The following TINAG variants were observed in gnomAD, a reference collection of about 807,000 sequenced individuals.
The protein encoded by TINAG is tubulointerstitial nephritis antigen.
In TINAG, 83 loss-of-function variants were observed where a neutral mutation model predicts 72.7. The observed-to-expected ratio is 1.14, with a 90% confidence interval of 0.96 to 1.37. TINAG has a LOEUF of 1.37. Ranked by LOEUF, TINAG falls within the 40% of genes most tolerant of loss-of-function variation. TINAG has a pLI of 0.00. For missense variants in TINAG, 685 were observed against 576.6 expected, an observed-to-expected ratio of 1.19 and a Z score of -1.93; for synonymous variants, 234 against 189.9, an observed-to-expected ratio of 1.23 and a Z score of -1.91.
chr6:54,338,656 G>T (rs12198941), intron 4 of TINAG, among the ~76,000 whole-genome samples: 6 of 149,850 alleles, frequency 4.0e-5, no homozygotes, highest in Middle Eastern at 3.5e-3. Flanking sequence ...ACTGGGAGGC[G>T]GAGGTTGCAG....
At chr6:54,355,972 A>T (rs1261582933) in intron 9 of TINAG, among the ~76,000 whole-genome samples, 1 of 151,916 alleles carries the variant, frequency 6.6e-6, no homozygotes, top group Non-Finnish European at 1.5e-5. Context: ...TTTCTCTAGC[A>T]GTATATAAAA....
intron 9 of TINAG, among the ~76,000 whole-genome samples, chr6:54,373,500 A>C (rs1763691932): frequency 6.6e-6 from 1 of 152,064 alleles, no homozygotes. Flanking sequence ...CTTCTAAGAC[A>C]CTAGTGATAA....
Position 54,326,926 on chromosome 6 carries a change from C to A in TINAG, c.624+10C>A, listed in dbSNP as rs750932392. ...CATGAATGAAATGACAGTAAGTGTT[C>A]CTTCTGATTCACGTATGTGCATGTA... is the stretch of plus-strand genomic sequence containing the variant. On this transcript the variant is annotated intron_variant, in intron 4 of 10. Coordinates refer to ENST00000259782, the MANE Select transcript of TINAG (RefSeq NM_014464.4). 7 of 1,612,784 alleles carry A rather than the reference C, an allele frequency of 4.3e-6. No individual in the cohort carries two copies. The African/African-American group carries it at 6.7e-5, about 15-fold the overall frequency.
intron 4 of TINAG, among the ~76,000 whole-genome samples, chr6:54,330,113 G>A (rs550293847): frequency 2.6e-5 from 4 of 152,048 alleles, no homozygotes; most frequent in South Asian, 2.1e-4. Flanking sequence ...GTTGTGGACC[G>A]GGCGGACTTA....
intron 10 of TINAG, among the ~76,000 whole-genome samples, chr6:54,386,959 A>G (rs1582768318): frequency 1.3e-5 from 2 of 152,202 alleles, no homozygotes; most frequent in East Asian, 3.8e-4. Context: ...GTATTATAAG[A>G]AAAAGTAAGC....
intron 3 of TINAG, among the ~76,000 whole-genome samples, chr6:54,324,057 G>A (rs921023701): frequency 4.1e-4 from 63 of 152,166 alleles, no homozygotes; most frequent in Non-Finnish European, 3.2e-4. Flanking sequence ...AATAATAGGG[G>A]AGAATAGAAG....
intron 4 of TINAG, among the ~76,000 whole-genome samples, chr6:54,338,576 T>G (rs527639246): frequency 8.0e-4 from 122 of 151,932 alleles, no homozygotes; most frequent in African/African-American, 2.9e-3. Flanking sequence ...GAAGAAAAAT[T>G]AGCCGGGTGT....
intron 4 of TINAG, among the ~76,000 whole-genome samples, chr6:54,334,038 G>C (rs1035277497): frequency 1.3e-5 from 2 of 152,104 alleles, no homozygotes; most frequent in Non-Finnish European, 1.5e-5. Context: ...ATTTTTAAGA[G>C]GTGTTATCAT....
intron 10 of TINAG, among the ~76,000 whole-genome samples, chr6:54,382,757 A>G (rs1367628379): frequency 6.6e-6 from 1 of 152,128 alleles, no homozygotes; most frequent in Non-Finnish European, 1.5e-5. Context: ...AAATTTGTCT[A>G]CACAGGTAGC....
intron 8 of TINAG, among the ~76,000 whole-genome samples, chr6:54,351,945 G>A (rs1335924924): frequency 6.6e-6 from 1 of 151,776 alleles, no homozygotes; most frequent in African/African-American, 2.4e-5. Context: ...TAGAGTAACA[G>A]TAAATAATGA....
chr6:54,318,785 C>T (rs764485701), intron 1 of TINAG, among the ~76,000 whole-genome samples: 10 of 152,142 alleles, frequency 6.6e-5, no homozygotes, highest in Middle Eastern at 3.4e-3. Context: ...GAGTGGACTG[C>T]GTCTGGGTAT....
intron 8 of TINAG, among the ~76,000 whole-genome samples, chr6:54,352,271 A>G (rs1325849205): frequency 6.6e-6 from 1 of 151,898 alleles, no homozygotes; most frequent in Non-Finnish European, 1.5e-5. Context: ...ATTTTTCTGA[A>G]TACTGATCTA....
At chr6:54,326,526 C>T (rs1443832721) in intron 3 of TINAG, among the ~76,000 whole-genome samples, 2 of 151,858 alleles carry the variant, frequency 1.3e-5, no homozygotes, top group South Asian at 2.1e-4. Flanking sequence ...ATATATTGGC[C>T]TTATTAACAC....
chr6:54,346,921 T>C (rs1389016641), intron 5 of TINAG, among the ~76,000 whole-genome samples: 1 of 152,140 alleles, frequency 6.6e-6, no homozygotes. Flanking sequence ...TGAATATTTC[T>C]ATGGTTAGTT....
At chr6:54,335,782 C>T (rs1329475997) in intron 4 of TINAG, among the ~76,000 whole-genome samples, 1 of 152,134 alleles carries the variant, frequency 6.6e-6, no homozygotes, top group Non-Finnish European at 1.5e-5. Context: ...GTGCACTCCC[C>T]TCACCGCCCT....
intron 10 of TINAG, among the ~76,000 whole-genome samples, chr6:54,384,025 A>G (rs1764025036): frequency 6.6e-6 from 1 of 152,188 alleles, no homozygotes; most frequent in South Asian, 2.1e-4. Context: ...ACGCATCAAT[A>G]AAAAAGGATG....
chr6:54,338,967 A>G (rs1046531187), intron 4 of TINAG, among the ~76,000 whole-genome samples: 1 of 152,100 alleles, frequency 6.6e-6, no homozygotes, highest in Non-Finnish European at 1.5e-5. Context: ...TTTTGTAATT[A>G]CCTATTAAAA....
chr6:54,328,828 C>A (rs891148960), intron 4 of TINAG, among the ~76,000 whole-genome samples: 1 of 151,464 alleles, frequency 6.6e-6, no homozygotes, highest in Non-Finnish European at 1.5e-5. Context: ...ATGAAGCATA[C>A]ACAAGTATCA....
chr6:54,369,616 G>C (rs774966633), intron 9 of TINAG, among the ~76,000 whole-genome samples: 1 of 151,920 alleles, frequency 6.6e-6, no homozygotes, highest in Non-Finnish European at 1.5e-5. Context: ...CGTTGAGTTA[G>C]TGTATGGGAA....
Sources: gnomAD v4.1 joint callset for allele counts (sites outside exome capture counted in the v4.1 genomes callset) on GRCh38, gnomAD v4.1.1 for gene constraint, MANE v1.5 for transcripts, NCBI Gene and HGNC (gene_info 2026-07-23, HGNC 2026-07-21) for gene names.